INTS3: variants seen among roughly 807,000 people sequenced by gnomAD.
INTS3 encodes the protein integrator complex subunit 3, also known as SOSS complex subunit A.
Under a neutral mutation model 146.3 loss-of-function variants are expected in INTS3, and 34 were observed. That is an observed-to-expected ratio of 0.23 (90% CI 0.18 to 0.31). The LOEUF is 0.31. INTS3 is among the 10% of genes least tolerant of loss of function. The pLI, the probability that INTS3 is intolerant of heterozygous loss-of-function variation, is 1.00. For missense variants in INTS3, 757 were observed against 1,304.2 expected (o/e 0.58, Z 6.46); for synonymous variants, 475 against 494.9 (o/e 0.96, Z 0.53).
Position 153,760,268 on chromosome 1 carries a change from AGACT to A in INTS3, c.1238-36_1238-33del. Reference sequence around the variant, plus strand: ...AAAAAAAAAAAAAAAAGAGAGAGAGAGACTGACTGATGTGAGGGGCTCTTTAATT... The same window carrying A: ...AAAAAAAAAAAAAAAAGAGAGAGAGAGACTGATGTGAGGGGCTCTTTAATT... On this transcript the variant is annotated intron_variant, in intron 11 of 29. Transcript: ENST00000318967. 3 of 887,198 alleles carry A rather than the reference AGACT, an allele frequency of 3.4e-6. 1 individual carries two copies. Among genetic ancestry groups the A allele is most frequent in the East Asian group, 2.5e-5 (1 of 40,806 alleles). 55.0% of individuals were successfully genotyped at this position (887,198 alleles called of 1,614,324 possible). A position where few individuals can be genotyped will look rare whatever the true frequency, so the allele number is the denominator to read the frequency against.
In INTS3 at chr1:153,762,833, A is replaced by T. The variant is rs1474428610; in HGVS notation, c.1622A>T (p.Asp541Val). The T allele has an allele frequency of 6.2e-7, 1 of 1,614,000 alleles. No homozygotes were observed. Among genetic ancestry groups the T allele is most frequent in the Non-Finnish European group, 8.5e-7 (1 of 1,180,030 alleles). Residue 541 changes from aspartate (D) to valine (V), a missense_variant, in exon 15 of 30, where the codon GAT (aspartate) becomes GTT (valine). By Grantham distance (152) the Asp-to-Val change is radical (BLOSUM62 -3). Around this residue, in one of 8 missense-constraint regions of INTS3, gnomAD observed 89 missense variants for 210.9 expected, o/e 0.42. Coordinates refer to ENST00000318967, the MANE Select transcript of INTS3 (RefSeq NM_023015.5). ...GCAGCCTTCAGTGACGATGAAGAGG[A>T]TCTCAACAGCAAAGGTGAGGCCATC... ...AEAAFSDDEEDLNSKGKKREF... is the reference protein window; with the variant it reads ...AEAAFSDDEEVLNSKGKKREF...
chr1:153,730,171 C>A (rs1671010551), intron 1 of INTS3, among the ~76,000 whole-genome samples: 2 of 152,296 alleles, frequency 1.3e-5, no homozygotes, highest in Non-Finnish European at 2.9e-5. Flanking sequence ...GGATTTTCCA[C>A]CAGCAAATGT....
chr1:153,748,997 T>A (rs1671858147), intron 6 of INTS3, among the ~76,000 whole-genome samples: 1 of 152,168 alleles, frequency 6.6e-6, no homozygotes, highest in Non-Finnish European at 1.5e-5. Context: ...TGGCTTCATC[T>A]GATAAGGGTT....
At chr1:153,735,265 C>G (rs1249844483) in intron 1 of INTS3, among the ~76,000 whole-genome samples, 1 of 152,180 alleles carries the variant, frequency 6.6e-6, no homozygotes, top group Non-Finnish European at 1.5e-5. Context: ...AGCCACCATG[C>G]CTGGCCACAG....
At position 153,772,027 on chromosome 1, in the gene INTS3, G is replaced by A; in HGVS notation, c.2720+64G>A. ...GTCTGCAGTGATTGCTGTCGGTGGT[G>A]GTGGTGGTGGTGGTGGTGGTGGTGA... On this transcript the variant is annotated intron_variant, in intron 26 of 29. Transcript: ENST00000318967. This position sits in a 1 kb window ranked among gnomAD's most constrained non-coding sequence, Gnocchi z 4.6. 1 of 1,362,898 alleles carries A rather than the reference G, an allele frequency of 7.3e-7. No individual in the cohort carries two copies. The highest frequency in any genetic ancestry group is 9.9e-7 in the Non-Finnish European group (1 of 1,007,484). 84.4% of individuals were successfully genotyped at this position (1,362,898 alleles called of 1,614,324 possible).
At chr1:153,763,784 C>T (rs971354402) in intron 16 of INTS3, 48 bp from the exon 17 acceptor site, 4 of 1,530,620 alleles carry the variant, frequency 2.6e-6, no homozygotes, top group Non-Finnish European at 3.6e-6. Context: ...GTCCTGCCCT[C>T]TGCTATCATT....
rs762903298 is a variant in INTS3 at position 153,751,092 on chromosome 1, C to T, written c.585-3C>T. ...TAGGAGCCAGTGTGTTTCCTCCCTG[C>T]AGGGAGTGGGTCCTGAAGAGCAGCA... On this transcript the variant is annotated splice_polypyrimidine_tract_variant and splice_region_variant and intron_variant, in intron 6 of 29. Transcript: ENST00000318967. 3 of 1,613,956 alleles carry T rather than the reference C, an allele frequency of 1.9e-6. No individual in the cohort carries two copies. The highest frequency in any genetic ancestry group is 1.7e-4 in the Middle Eastern group (1 of 6,060).
chr1:153,747,152 C>A, intron 4 of INTS3, 82 bp downstream of exon 4: 2 of 1,276,310 alleles, frequency 1.6e-6, no homozygotes, highest in African/African-American at 1.5e-5. Context: ...AAAGAGGAAT[C>A]AGGGCTAACA....
intron 9 of INTS3, among the ~76,000 whole-genome samples, chr1:153,755,521 A>G (rs1439112549): frequency 6.6e-6 from 1 of 152,012 alleles, no homozygotes; most frequent in Non-Finnish European, 1.5e-5. Context: ...CAGCCTCCCA[A>G]AGTGCTGGGA....
intron 3 of INTS3, among the ~76,000 whole-genome samples, chr1:153,742,602 TTTTG>T (rs1210607109): frequency 2.0e-5 from 3 of 152,018 alleles, no homozygotes; most frequent in Admixed American, 6.6e-5. Context: ...TGCTGGAAAG[TTTTG>T]TTTGTTTGTT....
chr1:153,744,038 CGTGTGTGTGTGTGTGTGTGT>C lies in INTS3; in HGVS notation c.318+2695_318+2714del, dbSNP rs200825280. On this transcript the variant is annotated intron_variant, in intron 3 of 29. Transcript: ENST00000318967. ...TTTCCTCACTGAGGGTGTGCATGTG[CGTGTGTGTGTGTGTGTGTGT>C]GTGTGTGTGTGTGTGTGTGTGTGTT... 1.9e-3 allele frequency among the ~76,000 whole-genome samples: 269 copies of C among 142,342 alleles called. 5 individuals are homozygous for C. In the East Asian group the frequency reaches 0.035, roughly 19 times the overall value. The allele number at this position is 142,342 out of a possible 152,430, so 93.4% of individuals were successfully genotyped here.
At chr1:153,755,310 C>T (rs1457308677) in intron 9 of INTS3, among the ~76,000 whole-genome samples, 1 of 152,104 alleles carries the variant, frequency 6.6e-6, no homozygotes, top group East Asian at 1.9e-4. Context: ...GTTGCCCAGG[C>T]TAGAGTGCAG....
chr1:153,773,998 GTTTTTTTTTGT>G lies in INTS3; in HGVS notation c.*739_*749del, dbSNP rs1673031517. On this transcript the variant is annotated 3_prime_UTR_variant, in exon 30 of 30. Coordinates refer to ENST00000318967, the MANE Select transcript of INTS3 (RefSeq NM_023015.5). Reference sequence around the variant, plus strand: ...TTTCCTTGAGTCTGTTTTTTTTTTTGTTTTTTTTTGTTTTTTTTTTGGCAGAGATAATCGTG... The same window carrying G: ...TTTCCTTGAGTCTGTTTTTTTTTTTGTTTTTTTTTGGCAGAGATAATCGTG... 1 of 155,306 alleles carries G rather than the reference GTTTTTTTTTGT, an allele frequency of 6.4e-6. No individual in the cohort carries two copies. The highest frequency in any genetic ancestry group is 2.6e-5 in the African/African-American group (1 of 37,956). 9.6% of individuals were successfully genotyped at this position (155,306 alleles called of 1,614,324 possible). A position where few individuals can be genotyped will look rare whatever the true frequency, so the allele number is the denominator to read the frequency against.
At chr1:153,769,522 A>G (rs540386654) in intron 22 of INTS3, among the ~76,000 whole-genome samples, 23 of 152,228 alleles carry the variant, frequency 1.5e-4, no homozygotes, top group African/African-American at 5.3e-4. Flanking sequence ...GCTTAGACCA[A>G]GGCTGTAACT....
At chr1:153,756,632 A>G (rs1197782728) in intron 9 of INTS3, among the ~76,000 whole-genome samples, 3 of 152,066 alleles carry the variant, frequency 2.0e-5, no homozygotes, top group African/African-American at 7.2e-5. Context: ...CCTGACCAAC[A>G]TGGTGAAACC....
At chr1:153,750,071 A>G (rs932690992) in intron 6 of INTS3, among the ~76,000 whole-genome samples, 1 of 152,246 alleles carries the variant, frequency 6.6e-6, no homozygotes, top group Non-Finnish European at 1.5e-5. Flanking sequence ...AGGGGAGGAA[A>G]CGTTCCCCAG....
At position 153,773,045 on chromosome 1, in the gene INTS3, C is replaced by A. The variant is rs762745695; in HGVS notation, c.3015C>A (p.Pro1005=). The A allele has an allele frequency of 2.5e-6, 4 of 1,614,202 alleles. No individual in the cohort carries two copies. The highest frequency in any genetic ancestry group is 1.3e-5 in the African/African-American group (1 of 75,048). ...PRSRKNATQP[P]NAEEESGSSS... is the part of the protein sequence containing the mutation. ...GTCGAAAGAATGCCACACAGCCCCC[C>A]AATGCCGAAGAAGAGTCGGGCTCCA... The change falls in exon 29 of 30, where the codon CCC becomes CCA. Residue 1005 remains proline, a synonymous_variant. Transcript: ENST00000318967.
At chr1:153,739,622 CCG>C in intron 1 of INTS3, among the ~76,000 whole-genome samples, 3 of 152,002 alleles carry the variant, frequency 2.0e-5, no homozygotes, top group Non-Finnish European at 4.4e-5. Flanking sequence ...GTGTGAACCA[CCG>C]CACCCAGCTA....
At chr1:153,770,436 A>G in intron 24 of INTS3, 125 bp downstream of exon 24, 1 of 758,660 alleles carries the variant, frequency 1.3e-6, no homozygotes, top group Non-Finnish European at 2.3e-6. Flanking sequence ...ACCAAAGTGC[A>G]CAAGGGCAGG....
Sources: allele counts gnomAD v4.1 joint callset (sites outside exome capture counted in the v4.1 genomes callset), GRCh38; gene constraint gnomAD v4.1.1; regional missense constraint gnomAD v4.1.1; non-coding constraint Gnocchi (gnomAD v3.1); transcripts MANE v1.5; gene names NCBI Gene and HGNC (gene_info 2026-07-23, HGNC 2026-07-21).